Variants in DCTN5 observed in about 807,000 individuals in gnomAD.
DCTN5 encodes the protein dynactin subunit 5, also known as dynactin 4.
In DCTN5, 14 loss-of-function variants were observed where a neutral mutation model predicts 23.5. That is an observed-to-expected ratio of 0.60 (90% CI 0.39 to 0.93). The LOEUF is 0.93. DCTN5 is among the 40% of genes least tolerant of loss of function. The pLI is 0.00. For missense variants in DCTN5, 156 were observed against 225.9 expected (o/e 0.69, Z 1.98); for synonymous variants, 67 against 79.6 (o/e 0.84, Z 0.84).
intron 2 of DCTN5, among the ~76,000 whole-genome samples, chr16:23,644,628 G>A (rs1967384708): frequency 6.6e-6 from 1 of 151,524 alleles, no homozygotes; most frequent in Non-Finnish European, 1.5e-5. Flanking sequence ...TAGAGACAGG[G>A]TTTCACCATA....
rs1233799668 is a variant in DCTN5 at position 23,668,897 on chromosome 16, CCATG to C, written c.*1758_*1761del. The C allele has an allele frequency of 6.6e-6, 1 of 152,430 alleles. No homozygotes were observed. Among genetic ancestry groups the C allele is most frequent in the African/African-American group, 2.4e-5 (1 of 41,440 alleles). 9.4% of individuals were successfully genotyped at this position (152,430 alleles called of 1,614,324 possible). A position where few individuals can be genotyped will look rare whatever the true frequency, so the allele number is the denominator to read the frequency against. Reference sequence around the variant, plus strand: ...TGTCCTCTTGGATCAGTCACTGTGGCCATGCATGTTTGGCCACATGATTAATCCA... The same window carrying C: ...TGTCCTCTTGGATCAGTCACTGTGGCCATGTTTGGCCACATGATTAATCCA... On this transcript the variant is annotated 3_prime_UTR_variant, in exon 6 of 6. Transcript: ENST00000300087.
At chr16:23,644,799 A>T (rs535611495) in intron 2 of DCTN5, among the ~76,000 whole-genome samples, 2 of 151,302 alleles carry the variant, frequency 1.3e-5, no homozygotes, top group East Asian at 4.0e-4. Context: ...TTTTTTAAAA[A>T]TTTTTATTAT....
At chr16:23,642,253 G>A (rs1257110703) in intron 1 of DCTN5, among the ~76,000 whole-genome samples, 2 of 152,114 alleles carry the variant, frequency 1.3e-5, no homozygotes, top group Non-Finnish European at 2.9e-5. Flanking sequence ...TTTATGATCA[G>A]TACATGATAT....
At chr16:23,653,494 G>T (rs139423653) in intron 2 of DCTN5, among the ~76,000 whole-genome samples, 1 of 152,312 alleles carries the variant, frequency 6.6e-6, no homozygotes, top group East Asian at 1.9e-4. Flanking sequence ...TAACTGGCTA[G>T]CCATATGGAG....
At chr16:23,659,302 G>A (rs1047546455) in intron 3 of DCTN5, among the ~76,000 whole-genome samples, 1 of 152,182 alleles carries the variant, frequency 6.6e-6, no homozygotes, top group African/African-American at 2.4e-5. Flanking sequence ...AGAAAGGCCA[G>A]GGACAGAGCA....
Position 23,671,218 on chromosome 16 carries a change from G to T in DCTN5, c.*4074G>T, listed in dbSNP as rs1227838931. On this transcript the variant is annotated 3_prime_UTR_variant, in exon 6 of 6. Transcript: ENST00000300087. ...TCTCATCCATAAAATGGGGAAGTTG[G>T]ATAGGGTATTATGATGATTGAAATG... 6.6e-6 allele frequency: 1 copy of T among 152,166 alleles called. No individual in the cohort carries two copies. Among genetic ancestry groups the T allele is most frequent in the Non-Finnish European group, 1.5e-5 (1 of 68,034 alleles). The allele number at this position is 152,166 out of a possible 1,614,324, so 9.4% of individuals were successfully genotyped here.
intron 5 of DCTN5, 176 bp from the exon 6 acceptor site, chr16:23,666,871 C>T: frequency 1.1e-6 from 1 of 949,382 alleles, no homozygotes; most frequent in Non-Finnish European, 1.5e-6. Flanking sequence ...TATTGGGGTC[C>T]TGCTGTGAAA....
At chr16:23,645,104 TATATATATATATATATATATATATATATA>T (rs1567228304) in intron 2 of DCTN5, among the ~76,000 whole-genome samples, 1,342 of 30,014 alleles carry the variant, frequency 0.045, 88 homozygotes, top group Non-Finnish European at 0.064. Context: ...TATATATATA[TATATATATATATATATATATATATATATA>T]TATATTTTTT....
Position 23,641,574 on chromosome 16 carries a change from CTG to C in DCTN5, c.33_34del (p.Glu12ValfsTer33). The C allele has an allele frequency of 1.2e-6, 2 of 1,614,044 alleles. No homozygotes were observed. The highest frequency in any genetic ancestry group is 1.7e-6 in the Non-Finnish European group (2 of 1,179,924). ...TTGGGCGAGCTGCTCTACAACAAGT[CTG>C]AGTACATCGAGACGGTGCGCGGGTC... On this transcript the variant is annotated frameshift_variant, in exon 1 of 6. Coordinates refer to ENST00000300087, the MANE Select transcript of DCTN5 (RefSeq NM_032486.4). LOFTEE classifies it high-confidence loss of function.
At chr16:23,656,999 A>T (rs1188279480) in intron 2 of DCTN5, among the ~76,000 whole-genome samples, 1 of 152,038 alleles carries the variant, frequency 6.6e-6, no homozygotes, top group African/African-American at 2.4e-5. Flanking sequence ...CAAAAAAAAA[A>T]AAAAATAAAG....
At position 23,673,254 on chromosome 16, in the gene DCTN5, A is replaced by AT. The variant is rs1190271825; in HGVS notation, c.*6116dup. On this transcript the variant is annotated 3_prime_UTR_variant, in exon 6 of 6. Coordinates refer to ENST00000300087, the MANE Select transcript of DCTN5 (RefSeq NM_032486.4). ...TTAGGAGGATTTTCTTTAATATATC[A>AT]TTTTTTAAAAAAAAACTTGCTTGTA... 1.3e-5 allele frequency: 2 copies of AT among 151,880 alleles called. No individual in the cohort carries two copies. The highest frequency in any genetic ancestry group is 6.6e-5 in the Admixed American group (1 of 15,236). The allele number at this position is 151,880 out of a possible 1,614,324, so 9.4% of individuals were successfully genotyped here. A position where few individuals can be genotyped will look rare whatever the true frequency, so the allele number is the denominator to read the frequency against.
chr16:23,658,228 C>G (rs919177509), intron 2 of DCTN5, among the ~76,000 whole-genome samples: 5 of 152,216 alleles, frequency 3.3e-5, no homozygotes, highest in African/African-American at 7.2e-5. Context: ...TAAGCCAGAT[C>G]TGCTATAGGT....
At chr16:23,645,102 TATATATATATATATATATA>T (rs1967405852) in intron 2 of DCTN5, among the ~76,000 whole-genome samples, 1 of 30,330 alleles carries the variant, frequency 3.3e-5, no homozygotes, top group African/African-American at 1.6e-4. Flanking sequence ...TATATATATA[TATATATATATATATATATA>T]TATATATATA....
Position 23,671,262 on chromosome 16 carries a change from A to G in DCTN5, c.*4118A>G, listed in dbSNP as rs1463827706. Reference sequence around the variant, plus strand: ...TGAAATGCATTTATACATGTAAAGCATAAGTACTGGCTCAGGGTGAGCACT... The same window carrying G: ...TGAAATGCATTTATACATGTAAAGCGTAAGTACTGGCTCAGGGTGAGCACT... On this transcript the variant is annotated 3_prime_UTR_variant, in exon 6 of 6. Transcript: ENST00000300087. 4.6e-5 allele frequency: 7 copies of G among 152,024 alleles called. No individual in the cohort carries two copies. Among genetic ancestry groups the G allele is most frequent in the Non-Finnish European group, 8.8e-5 (6 of 68,032 alleles). 9.4% of individuals were successfully genotyped at this position (152,024 alleles called of 1,614,324 possible).
intron 2 of DCTN5, among the ~76,000 whole-genome samples, chr16:23,644,177 G>C (rs901364414): frequency 5.3e-5 from 8 of 151,958 alleles, no homozygotes; most frequent in Admixed American, 3.9e-4. Context: ...ACCCAGGTCG[G>C]AGTACAGTGG....
chr16:23,642,171 G>T (rs879316986), intron 1 of DCTN5, among the ~76,000 whole-genome samples: 1 of 152,160 alleles, frequency 6.6e-6, no homozygotes, highest in Non-Finnish European at 1.5e-5. Context: ...GACCTCAGGT[G>T]ATCGACCCGC....
At position 23,669,374 on chromosome 16, in the gene DCTN5, ATTC is replaced by A; in HGVS notation, c.*2233_*2235del. The A allele has an allele frequency of 6.6e-6, 1 of 152,214 alleles. No homozygotes were observed. Among genetic ancestry groups the A allele is most frequent in the East Asian group, 1.9e-4 (1 of 5,192 alleles). 9.4% of individuals were successfully genotyped at this position (152,214 alleles called of 1,614,324 possible). A position where few individuals can be genotyped will look rare whatever the true frequency, so the allele number is the denominator to read the frequency against. On this transcript the variant is annotated 3_prime_UTR_variant, in exon 6 of 6. Transcript: ENST00000300087. ...CTCTGCTTTCATTTGAGTTGGCTTT[ATTC>A]TTGGGCTTCACAGTGTGGCCCCACA... is the stretch of plus-strand genomic sequence containing the variant.
At chr16:23,645,717 A>G (rs1415057173) in intron 2 of DCTN5, among the ~76,000 whole-genome samples, 1 of 152,224 alleles carries the variant, frequency 6.6e-6, no homozygotes, top group African/African-American at 2.4e-5. Flanking sequence ...TCCTTGTTAA[A>G]GCACATCAGA....
At chr16:23,645,137 A>ATATATTTTTTTT (rs1555462995) in intron 2 of DCTN5, among the ~76,000 whole-genome samples, 1 of 30,806 alleles carries the variant, frequency 3.2e-5, no homozygotes, top group Admixed American at 5.0e-4. Flanking sequence ...ATATATATAT[A>ATATATTTTTTTT]TTTTTTTTTT....
Sources: gnomAD v4.1 joint callset for allele counts (sites outside exome capture counted in the v4.1 genomes callset) on GRCh38, gnomAD v4.1.1 for gene constraint, MANE v1.5 for transcripts, NCBI Gene and HGNC (gene_info 2026-07-23, HGNC 2026-07-21) for gene names.